Variants in CCSER1 observed in about 807,000 individuals in gnomAD.
CCSER1 encodes the protein coiled-coil serine rich protein 1.
CCSER1 carries 41 observed loss-of-function variants against 82.0 expected under a neutral mutation model. The ratio of observed to expected loss-of-function variants is 0.50; its 90% CI spans 0.39 to 0.65. The LOEUF (loss-of-function observed/expected upper bound fraction) is 0.65. CCSER1 is among the 30% of genes least tolerant of loss of function. The probability of loss-of-function intolerance (pLI) is 0.00; values close to 1 mark genes in which losing one functional copy is unlikely to be tolerated. For synonymous variants in CCSER1, 414 were observed against 383.9 expected, an observed-to-expected ratio of 1.08 and a Z score of -0.92; for missense variants, 1,119 against 1,064.2, an observed-to-expected ratio of 1.05 and a Z score of -0.72.
At chr4:90,923,151 G>A (rs546700988) in intron 8 of CCSER1, among the ~76,000 whole-genome samples, 7 of 152,204 alleles carry the variant, frequency 4.6e-5, no homozygotes, top group Admixed American at 2.6e-4. Context: ...ACTCAGTGAC[G>A]CCTACAGTAG....
At chr4:90,804,704 T>G (rs1757284733) in intron 7 of CCSER1, among the ~76,000 whole-genome samples, 1 of 152,186 alleles carries the variant, frequency 6.6e-6, no homozygotes, top group Non-Finnish European at 1.5e-5. Context: ...TAGTTAATAG[T>G]CTTAAACAAT....
rs1026397785 is a variant in CCSER1 at position 91,413,184 on chromosome 4, T to G, written c.2218-185388T>G. ...TTGGCCAGGCATGGTAGCTCACTCC[T>G]GTAATCCCGGCACTTTGGGAGACAT... On this transcript the variant is annotated intron_variant, in intron 10 of 10. Transcript: ENST00000509176. Among the ~76,000 whole-genome samples, 5 of 152,320 alleles carry G rather than the reference T, an allele frequency of 3.3e-5. 1 individual carries two copies. In the Middle Eastern group the frequency reaches 0.01, roughly 311 times the overall value.
intron 9 of CCSER1, among the ~76,000 whole-genome samples, chr4:91,025,862 G>A (rs375207802): frequency 6.6e-6 from 1 of 152,028 alleles, no homozygotes; most frequent in Non-Finnish European, 1.5e-5. Context: ...TTTTGATTTT[G>A]TCTGCTTGTT....
chr4:90,443,916 CATATAA>C (rs1219291676), intron 4 of CCSER1, among the ~76,000 whole-genome samples: 4 of 151,996 alleles, frequency 2.6e-5, no homozygotes, highest in Non-Finnish European at 4.4e-5. Context: ...AATACAGACA[CATATAA>C]ATATAATCTT....
chr4:90,497,180 C>T (rs184927236), intron 5 of CCSER1, among the ~76,000 whole-genome samples: 2 of 152,200 alleles, frequency 1.3e-5, no homozygotes, highest in Non-Finnish European at 2.9e-5. Context: ...TAGTCATCCA[C>T]ATTTTGCATG....
rs573913871 is a variant in CCSER1, at chr4:90,228,343, G to A, written c.-41-79901G>A. Reference sequence around the variant, plus strand: ...GACCCCCGAGCAGCCTAACTGGGAGGCACCCCCCAGCAGGGGCAGACTGAC... The same window carrying A: ...GACCCCCGAGCAGCCTAACTGGGAGACACCCCCCAGCAGGGGCAGACTGAC... On this transcript the variant is annotated intron_variant, in intron 1 of 10. Coordinates refer to ENST00000509176, the MANE Select transcript of CCSER1 (RefSeq NM_001145065.2). Among the ~76,000 whole-genome samples the A allele has an allele frequency of 5.9e-5, 9 of 152,246 alleles. No individual in the cohort carries two copies. In the South Asian group the frequency reaches 1.7e-3, roughly 28 times the overall value.
intron 10 of CCSER1, among the ~76,000 whole-genome samples, chr4:91,225,402 ATATT>A (rs957982648): frequency 2.1e-5 from 3 of 142,984 alleles, no homozygotes; most frequent in Non-Finnish European, 4.5e-5. Flanking sequence ...ATATTCATAT[ATATT>A]ATATATATGA....
intron 5 of CCSER1, among the ~76,000 whole-genome samples, chr4:90,578,547 C>T (rs1348807757): frequency 6.6e-6 from 1 of 151,952 alleles, no homozygotes; most frequent in African/African-American, 2.4e-5. Flanking sequence ...AGAGAATAGG[C>T]AAAAAATAGG....
intron 3 of CCSER1, among the ~76,000 whole-genome samples, chr4:90,369,354 G>T (rs1746948583): frequency 6.7e-6 from 1 of 149,956 alleles, no homozygotes; most frequent in Non-Finnish European, 1.5e-5. Context: ...AAAGAAAAGA[G>T]GAGGAAAAGG....
intron 7 of CCSER1, among the ~76,000 whole-genome samples, chr4:90,792,666 C>G (rs1342813951): frequency 2.0e-5 from 3 of 152,196 alleles, no homozygotes; most frequent in South Asian, 2.1e-4. Flanking sequence ...ACTTACAGCT[C>G]AAAGGAAAGA....
At chr4:90,436,823 T>C (rs1161420916) in intron 4 of CCSER1, among the ~76,000 whole-genome samples, 4 of 151,920 alleles carry the variant, frequency 2.6e-5, no homozygotes, top group Non-Finnish European at 4.4e-5. Flanking sequence ...TTTTTTTTTT[T>C]TGAGACGGAG....
chr4:91,517,785 T>TG (rs202065729), intron 10 of CCSER1, among the ~76,000 whole-genome samples: 15,523 of 81,446 alleles, frequency 0.19, 999 homozygotes, highest in African/African-American at 0.26. Context: ...TGTGTGTGTG[T>TG]TTAACTTTGA....
intron 10 of CCSER1, among the ~76,000 whole-genome samples, chr4:91,488,745 T>G (rs529567418): frequency 6.6e-6 from 1 of 152,226 alleles, no homozygotes; most frequent in South Asian, 2.1e-4. Flanking sequence ...AAATCATGAG[T>G]CAATTAAACC....
intron 10 of CCSER1, among the ~76,000 whole-genome samples, chr4:91,428,994 G>C (rs1297656108): frequency 6.6e-6 from 1 of 151,942 alleles, no homozygotes; most frequent in Non-Finnish European, 1.5e-5. Flanking sequence ...AAAGATTAAA[G>C]GCAAAAGGAT....
At chr4:90,455,455 G>A (rs116091621) in intron 4 of CCSER1, among the ~76,000 whole-genome samples, 1 of 152,060 alleles carries the variant, frequency 6.6e-6, no homozygotes, top group African/African-American at 2.4e-5. Flanking sequence ...GGGTCAAAGG[G>A]GTCTCAGTGA....
At chr4:90,950,341 T>C (rs1732756787) in intron 9 of CCSER1, among the ~76,000 whole-genome samples, 1 of 152,072 alleles carries the variant, frequency 6.6e-6, no homozygotes, top group Admixed American at 6.6e-5. Context: ...TTTTTTTCCC[T>C]GAGACTAAAT....
At chr4:91,512,476 T>C (rs556288928) in intron 10 of CCSER1, among the ~76,000 whole-genome samples, 9 of 152,302 alleles carry the variant, frequency 5.9e-5, no homozygotes, top group African/African-American at 1.9e-4. Context: ...CACTGTCGGC[T>C]TCCCTACTTT....
intron 9 of CCSER1, among the ~76,000 whole-genome samples, chr4:90,997,884 A>G (rs944316645): frequency 2.0e-5 from 3 of 152,126 alleles, no homozygotes; most frequent in Non-Finnish European, 2.9e-5. Context: ...TCAATTTCTT[A>G]CAGTGACCTG....
intron 6 of CCSER1, among the ~76,000 whole-genome samples, chr4:90,687,036 G>GT (rs1485612208): frequency 2.6e-5 from 4 of 152,062 alleles, no homozygotes; most frequent in Non-Finnish European, 2.9e-5. Flanking sequence ...CTTACCTATC[G>GT]TCTTTCTCTA....
Sources: allele counts gnomAD v4.1 joint callset (sites outside exome capture counted in the v4.1 genomes callset), GRCh38; gene constraint gnomAD v4.1.1; transcripts MANE v1.5; gene names NCBI Gene and HGNC (gene_info 2026-07-23, HGNC 2026-07-21).